Variants in PUS10 observed in about 807,000 individuals in gnomAD.
The protein encoded by PUS10 is pseudouridine synthase 10.
A neutral mutation model predicts 75.0 loss-of-function variants in PUS10; 59 were observed. The observed-to-expected ratio is 0.79, with a 90% confidence interval of 0.64 to 0.98. The LOEUF (loss-of-function observed/expected upper bound fraction) is 0.98. Among genes scored for constraint, PUS10 ranks in the 50% least tolerant of loss-of-function variants. PUS10 has a pLI of 0.00. For missense variants in PUS10, 650 were observed against 614.4 expected, an observed-to-expected ratio of 1.06 and a Z score of -0.61; for synonymous variants, 219 against 211.6, an observed-to-expected ratio of 1.03 and a Z score of -0.30.
At chr2:60,957,630 G>A (rs750571806) in intron 11 of PUS10, among the ~76,000 whole-genome samples, 5 of 152,238 alleles carry the variant, frequency 3.3e-5, no homozygotes, top group Non-Finnish European at 7.3e-5. Context: ...CAGAGATGGC[G>A]GGCATCCCTA....
intron 4 of PUS10, among the ~76,000 whole-genome samples, chr2:60,974,073 A>G (rs547586705): frequency 4.4e-4 from 67 of 152,218 alleles, no homozygotes; most frequent in Non-Finnish European, 8.5e-4. Context: ...CTGAAGAATG[A>G]CAGGACGACC....
intron 4 of PUS10, among the ~76,000 whole-genome samples, chr2:60,982,932 T>C (rs767388880): frequency 2.7e-4 from 41 of 152,070 alleles, no homozygotes; most frequent in South Asian, 4.2e-4. Context: ...CAGGCTCAAG[T>C]GATCCTCCAC....
At chr2:60,992,491 C>A (rs973365178) in intron 4 of PUS10, among the ~76,000 whole-genome samples, 1 of 152,180 alleles carries the variant, frequency 6.6e-6, no homozygotes, top group Admixed American at 6.5e-5. Flanking sequence ...AAATCACCAA[C>A]TCACGATTTC....
At chr2:61,000,213 T>C (rs897434836) in intron 4 of PUS10, among the ~76,000 whole-genome samples, 2 of 152,186 alleles carry the variant, frequency 1.3e-5, no homozygotes, top group African/African-American at 2.4e-5. Flanking sequence ...ATTCCTCTTT[T>C]ATAAGGAAGC....
At chr2:60,985,972 A>G (rs939636809) in intron 4 of PUS10, among the ~76,000 whole-genome samples, 9 of 147,790 alleles carry the variant, frequency 6.1e-5, no homozygotes, top group Non-Finnish European at 1.3e-4. Flanking sequence ...AGTTACTTCT[A>G]CTTTTGCATC....
rs1245632459 is a variant in PUS10 at position 60,980,961 on chromosome 2, G to A, written c.469-9404C>T. On this transcript the variant is annotated intron_variant, in intron 4 of 17. Coordinates refer to ENST00000316752, the MANE Select transcript of PUS10 (RefSeq NM_144709.4). ...GGCTGGAGTGCAATGACACAATCTC[G>A]TCTCACTGCAACCTCTCCTCCTGGG... is the stretch of plus-strand genomic sequence containing the variant. Among the ~76,000 whole-genome samples the A allele has an allele frequency of 3.9e-5, 6 of 152,166 alleles. No homozygotes were observed. The East Asian group carries it at 1.2e-3, about 29-fold the overall frequency.
chr2:61,002,510 C>T (rs957618148), intron 4 of PUS10, among the ~76,000 whole-genome samples: 1 of 152,162 alleles, frequency 6.6e-6, no homozygotes, highest in Non-Finnish European at 1.5e-5. Flanking sequence ...CACAGTGGTG[C>T]AATCTCAGCT....
At chr2:60,943,702 C>A (rs1196150036) in intron 17 of PUS10, among the ~76,000 whole-genome samples, 2 of 150,696 alleles carry the variant, frequency 1.3e-5, no homozygotes, top group Non-Finnish European at 3.0e-5. Context: ...TACCAAACAC[C>A]CAAATGTAAA....
intron 1 of PUS10, among the ~76,000 whole-genome samples, chr2:61,016,445 T>C (rs567278662): frequency 3.9e-5 from 6 of 152,378 alleles, no homozygotes; most frequent in Middle Eastern, 3.4e-3. Flanking sequence ...CATAAGATAT[T>C]AGAAATCGGT....
At chr2:60,962,691 G>C in intron 9 of PUS10, 135 bp downstream of exon 9, 5 of 1,390,436 alleles carry the variant, frequency 3.6e-6, no homozygotes, top group Non-Finnish European at 4.7e-6. Context: ...ATGGGTTGGA[G>C]AGATAACAAT....
At position 60,962,858 on chromosome 2, in the gene PUS10, G is replaced by C; in HGVS notation, c.756C>G (p.Ala252=). ...AATCCTCTTCCTTTATCTTATTCAA[G>C]GCTTTCATAACTGCCATTCTAGTGA... is the stretch of plus-strand genomic sequence containing the variant. ...SVFTRMAVMK[A]LNKIKEEDFL... Residue 252 remains alanine (A), a synonymous_variant, in exon 9 of 18, where the codon GCC becomes GCG. Coordinates refer to ENST00000316752, the MANE Select transcript of PUS10 (RefSeq NM_144709.4). 3 of 1,571,234 alleles carry C rather than the reference G, an allele frequency of 1.9e-6. No homozygotes were observed. Among genetic ancestry groups the C allele is most frequent in the Non-Finnish European group, 2.6e-6 (3 of 1,164,860 alleles).
At chr2:61,008,360 C>T (rs1203383278) in intron 3 of PUS10, among the ~76,000 whole-genome samples, 1 of 151,916 alleles carries the variant, frequency 6.6e-6, no homozygotes, top group African/African-American at 2.4e-5. Context: ...CCTGTCTCTA[C>T]TAAAAATACA....
intron 11 of PUS10, among the ~76,000 whole-genome samples, chr2:60,956,784 G>A (rs1221902639): frequency 6.6e-6 from 1 of 151,858 alleles, no homozygotes; most frequent in Non-Finnish European, 1.5e-5. Flanking sequence ...GACCATCCTG[G>A]CTAACTTGGT....
At position 61,017,861 on chromosome 2, in the gene PUS10, G is replaced by A. The variant is rs1387361776; in HGVS notation, c.-16+147C>T. ...CGGGCCCCACTTTCCAGTGAGTGTG[G>A]GATTCTTCAGGCTGTGAGTTTAGTG... On this transcript the variant is annotated intron_variant, in intron 1 of 17. Coordinates refer to ENST00000316752, the MANE Select transcript of PUS10 (RefSeq NM_144709.4). 1 of 1,550,058 alleles carries A rather than the reference G, an allele frequency of 6.5e-7. No homozygotes were observed. The highest frequency in any genetic ancestry group is 8.7e-7 in the Non-Finnish European group (1 of 1,146,418).
Position 60,942,064 on chromosome 2 carries a change from G to T in PUS10, c.*331C>A. 4.4e-6 allele frequency: 1 copy of T among 225,846 alleles called. No homozygotes were observed. 14.0% of individuals were successfully genotyped at this position (225,846 alleles called of 1,614,324 possible). On this transcript the variant is annotated 3_prime_UTR_variant, in exon 18 of 18. Transcript: ENST00000316752. ...GGAGGGAAATCTTGCTGAAATTACA[G>T]CTTCTTAGGTTAACAGAGAATGTGT...
chr2:60,990,476 A>G (rs902626026), intron 4 of PUS10, among the ~76,000 whole-genome samples: 2 of 152,186 alleles, frequency 1.3e-5, no homozygotes, highest in Admixed American at 6.5e-5. Flanking sequence ...GATAAGCCCT[A>G]TGTTTTGGCT....
At chr2:60,947,213 T>G (rs1674997445) in intron 16 of PUS10, among the ~76,000 whole-genome samples, 1 of 152,186 alleles carries the variant, frequency 6.6e-6, no homozygotes, top group South Asian at 2.1e-4. Flanking sequence ...AATCGTTTTG[T>G]TTTTGTTTTT....
At chr2:60,944,913 A>G (rs1306608029) in intron 17 of PUS10, 96 bp downstream of exon 17, 8 of 811,992 alleles carry the variant, frequency 9.9e-6, no homozygotes, top group South Asian at 4.4e-5. Context: ...TCAAATACCT[A>G]TGGAGGTGGG....
chr2:60,980,323 C>T (rs574334488), intron 4 of PUS10, among the ~76,000 whole-genome samples: 18 of 152,324 alleles, frequency 1.2e-4, no homozygotes, highest in African/African-American at 3.8e-4. Context: ...AGAGAGCCAG[C>T]ATCTTCTCTG....
Sources: allele counts gnomAD v4.1 joint callset (sites outside exome capture counted in the v4.1 genomes callset), GRCh38; gene constraint gnomAD v4.1.1; transcripts MANE v1.5; gene names NCBI Gene and HGNC (gene_info 2026-07-23, HGNC 2026-07-21).